Variants in GPR137 observed in about 807,000 individuals in gnomAD.
The protein encoded by GPR137 is integral membrane protein GPR137.
A neutral mutation model predicts 38.9 loss-of-function variants in GPR137; 20 were observed. The observed-to-expected ratio is 0.51, with a 90% CI of 0.36 to 0.75. The LOEUF is 0.75. GPR137 is among the 30% of genes least tolerant of loss of function. The pLI, the probability that GPR137 is intolerant of heterozygous loss-of-function variation, is 0.00. For synonymous variants in GPR137, 226 were observed against 235.8 expected (o/e 0.96, Z 0.38); for missense variants, 456 against 526.4 (o/e 0.87, Z 1.31).
chr11:64,287,319 C>A (rs913929590), intron 2 of GPR137: 1 of 984,872 alleles, frequency 1.0e-6, no homozygotes, highest in African/African-American at 1.7e-5. Flanking sequence ...TCCTGGGTGA[C>A]CTGGGGCCGC....
At chr11:64,275,360 T>C (rs2032983663), upstream of GPR137, among the ~76,000 whole-genome samples, 1 of 152,174 alleles carries the variant, frequency 6.6e-6, no homozygotes, top group African/African-American at 2.4e-5. Context: ...GCGGTGACTG[T>C]GGAGCAGGGG....
upstream of GPR137, among the ~76,000 whole-genome samples, chr11:64,274,555 G>A (rs2032903538): frequency 6.6e-6 from 1 of 152,104 alleles, no homozygotes; most frequent in African/African-American, 2.4e-5. Context: ...AGGTGTGGTG[G>A]CTCACGCCTG....
At chr11:64,281,116 C>G, upstream of GPR137, among the ~76,000 whole-genome samples, 1 of 152,170 alleles carries the variant, frequency 6.6e-6, no homozygotes, top group South Asian at 2.1e-4. Context: ...TACAGGCGCC[C>G]ACCACCACGC....
chr11:64,271,485 G>A, upstream of GPR137: 1 of 984,326 alleles, frequency 1.0e-6, no homozygotes, highest in Non-Finnish European at 1.4e-6. Context: ...AGCTAGGAAG[G>A]AACAGGACGG....
At chr11:64,273,409 G>A (rs988136302), upstream of GPR137, among the ~76,000 whole-genome samples, 4 of 152,086 alleles carry the variant, frequency 2.6e-5, no homozygotes, top group Non-Finnish European at 4.4e-5. Flanking sequence ...AAAAGAAAGT[G>A]CTTTGTAGGC....
Position 64,287,760 on chromosome 11 carries a change from C to T in GPR137, c.447C>T (p.Leu149=). 5.6e-6 allele frequency: 9 copies of T among 1,606,852 alleles called. No individual in the cohort carries two copies. Among genetic ancestry groups the T allele is most frequent in the Non-Finnish European group, 7.6e-6 (9 of 1,179,942 alleles). Residue 149 remains leucine (L), a synonymous_variant, in exon 3 of 7, where the codon CTC becomes CTT. Coordinates refer to ENST00000438980, the MANE Select transcript of GPR137 (RefSeq NM_001170880.2). ...VRGAFVGASL[L]FLLVNVLCAV... ...GGGCCTTTGTGGGGGCCTCGCTGCT[C>T]TTTCTGCTGGTGAACGTGCTGTGTG...
At chr11:64,282,818 G>A (rs780581817), upstream of GPR137, among the ~76,000 whole-genome samples, 6 of 151,100 alleles carry the variant, frequency 4.0e-5, no homozygotes, top group Non-Finnish European at 7.4e-5. Context: ...GGCAGAGGTT[G>A]CAGTGAGCCG....
chr11:64,273,975 A>T (rs2032845386), upstream of GPR137, among the ~76,000 whole-genome samples: 1 of 151,940 alleles, frequency 6.6e-6, no homozygotes, highest in African/African-American at 2.4e-5. Flanking sequence ...CAGGAACTGA[A>T]GGCGGGGGAT....
upstream of GPR137, among the ~76,000 whole-genome samples, chr11:64,283,704 G>A (rs2033637679): frequency 6.6e-6 from 1 of 152,228 alleles, no homozygotes; most frequent in Admixed American, 6.5e-5. Context: ...AGAAACACCA[G>A]GAAGGTGTGG....
upstream of GPR137, among the ~76,000 whole-genome samples, chr11:64,283,554 G>A (rs192288267): frequency 2.6e-5 from 4 of 152,220 alleles, no homozygotes; most frequent in African/African-American, 4.8e-5. Flanking sequence ...CCTGGCCACT[G>A]TGCCAGGACA....
chr11:64,270,693 G>T (rs913402727), upstream of GPR137: 8 of 524,316 alleles, frequency 1.5e-5, no homozygotes, highest in Admixed American at 1.4e-4. Flanking sequence ...ACTTTGGGAG[G>T]TTGAAGCGGG....
At chr11:64,280,133 T>C (rs184271158), upstream of GPR137, among the ~76,000 whole-genome samples, 2,288 of 151,370 alleles carry the variant, frequency 0.015, 11 homozygotes, top group African/African-American at 0.029. Context: ...CTGGCTAACA[T>C]GGTGAAACCC....
intron 2 of GPR137, among the ~76,000 whole-genome samples, chr11:64,278,654 G>A (rs1225912788): frequency 6.6e-6 from 1 of 152,136 alleles, no homozygotes; most frequent in Admixed American, 6.6e-5. Context: ...CTGCAGTCTG[G>A]CCCAGGGGCT....
exon 1 of GPR137, chr11:64,270,549 GC>G: frequency 1.4e-6 from 1 of 737,762 alleles, no homozygotes; most frequent in East Asian, 2.7e-5. Context: ...GGAACTCCGT[GC>G]CGGAGACGGG....
Position 64,288,241 on chromosome 11 carries a change from C to T in GPR137, c.783+27C>T. On this transcript the variant is annotated intron_variant, in intron 4 of 6. Transcript: ENST00000438980. This position sits in a 1 kb window ranked among gnomAD's most constrained non-coding sequence, Gnocchi z 5.5. ...TGGGCATACGCATGTCTGCCACCTC[C>T]TTAGTAGCCGTGGCACCTTGGCCCC... 4.3e-6 allele frequency: 7 copies of T among 1,610,408 alleles called. No individual in the cohort carries two copies. Among genetic ancestry groups the T allele is most frequent in the Non-Finnish European group, 5.9e-6 (7 of 1,177,894 alleles).
At chr11:64,283,895 A>T (rs2033654069), upstream of GPR137, among the ~76,000 whole-genome samples, 1 of 152,158 alleles carries the variant, frequency 6.6e-6, no homozygotes, top group African/African-American at 2.4e-5. Flanking sequence ...TTGGCCTCCC[A>T]AAGTGCTGAG....
In GPR137 at chr11:64,286,347, C is replaced by T. The variant is rs2034047719; in HGVS notation, c.-178C>T. Reference sequence around the variant, plus strand: ...CTGGGGCCCAGGCTGCCTGTGTTCCCCAAGGGCAAGGGTCTCTCTGTTGAG... The same window carrying T: ...CTGGGGCCCAGGCTGCCTGTGTTCCTCAAGGGCAAGGGTCTCTCTGTTGAG... On this transcript the variant is annotated 5_prime_UTR_variant, in exon 1 of 7. Coordinates refer to ENST00000438980, the MANE Select transcript of GPR137 (RefSeq NM_001170880.2). The T allele has an allele frequency of 3.6e-6, 5 of 1,396,590 alleles. No homozygotes were observed. Among genetic ancestry groups the T allele is most frequent in the Non-Finnish European group, 4.6e-6 (5 of 1,080,738 alleles). The allele number at this position is 1,396,590 out of a possible 1,614,324, so 86.5% of individuals were successfully genotyped here.
chr11:64,284,415 G>T (rs768868726), upstream of GPR137: 6 of 1,609,586 alleles, frequency 3.7e-6, 1 homozygote, highest in South Asian at 5.5e-5. Context: ...GGCACAGCTG[G>T]GGCCAACGGT....
At position 64,287,952 on chromosome 11, in the gene GPR137, G is replaced by A. The variant is rs1462100211; in HGVS notation, c.633+6G>A. 1 of 1,601,290 alleles carries A rather than the reference G, an allele frequency of 6.2e-7. No individual in the cohort carries two copies. Among genetic ancestry groups the A allele is most frequent in the Non-Finnish European group, 8.5e-7 (1 of 1,179,906 alleles). ...GCATCTACCTGGAGGCCAAGGTAGG[G>A]CTGCAGCACTGATGCCCAGGTGTCT... is the stretch of plus-strand genomic sequence containing the variant. On this transcript the variant is annotated splice_donor_region_variant and intron_variant, in intron 3 of 6. Coordinates refer to ENST00000438980, the MANE Select transcript of GPR137 (RefSeq NM_001170880.2).
Sources: allele counts gnomAD v4.1 joint callset (sites outside exome capture counted in the v4.1 genomes callset), GRCh38; gene constraint gnomAD v4.1.1; non-coding constraint Gnocchi (gnomAD v3.1); transcripts MANE v1.5; gene names NCBI Gene and HGNC (gene_info 2026-07-23, HGNC 2026-07-21).